Variants in RWDD3 observed in about 807,000 individuals in gnomAD.
RWDD3 encodes RWD domain-containing protein 3.
RWDD3 carries 30 observed loss-of-function variants against 26.5 expected under a neutral mutation model. The observed-to-expected ratio is 1.13, with a 90% CI of 0.85 to 1.54. The LOEUF is 1.54. RWDD3 is among the 40% of genes most tolerant of loss of function. RWDD3 has a pLI of 0.00. For synonymous variants in RWDD3, 113 were observed against 114.5 expected (o/e 0.99, Z 0.09); for missense variants, 296 against 309.1 (o/e 0.96, Z 0.32).
chr1:95,244,517 C>T lies in RWDD3; in HGVS notation c.392C>T (p.Thr131Ile), dbSNP rs568043551. ...GGCAGTGAAAAGTGTACTTTTTCAA[C>T]AAGCACGACCATGGATGATGGATTG... ...GSGSEKCTFS[T>I]STTMDDGLWI... Residue 131 changes from threonine (T) to isoleucine (I), a missense_variant, in exon 2 of 4, where the codon ACA becomes ATA. Transcript: ENST00000370202. 6.2e-7 allele frequency: 1 copy of T among 1,614,154 alleles called. No homozygotes were observed. Among genetic ancestry groups the T allele is most frequent in the South Asian group, 1.1e-5 (1 of 91,086 alleles).
chr1:95,245,647 G>A (rs1680823484), intron 2 of RWDD3, among the ~76,000 whole-genome samples: 1 of 152,276 alleles, frequency 6.6e-6, no homozygotes, highest in Admixed American at 6.5e-5. Flanking sequence ...GCATATCTTG[G>A]ATTGGGACTG....
At chr1:95,243,183 A>G (rs1199503017) in intron 1 of RWDD3, 1 of 152,224 alleles carries the variant, frequency 6.6e-6, no homozygotes, top group African/African-American at 2.4e-5. Flanking sequence ...GTATGAATCA[A>G]TATCTGTAGC....
chr1:95,239,979 C>G, intron 1 of RWDD3: 2 of 1,264,388 alleles, frequency 1.6e-6, no homozygotes, highest in Non-Finnish European at 2.1e-6. Context: ...AAGGATTCTT[C>G]AAAGTTTGCA....
chr1:95,234,200 G>A, upstream of RWDD3: 2 of 1,560,140 alleles, frequency 1.3e-6, no homozygotes, highest in Non-Finnish European at 1.7e-6. Context: ...GCAGCGGAAG[G>A]GGAAGCGCTG....
chr1:95,243,613 A>G (rs1212270427), intron 1 of RWDD3: 1 of 152,432 alleles, frequency 6.6e-6, no homozygotes, highest in African/African-American at 2.4e-5. Flanking sequence ...ATTGATGTCC[A>G]CTCAATTTCA....
At chr1:95,240,434 A>G (rs1216201235) in intron 1 of RWDD3, among the ~76,000 whole-genome samples, 1 of 152,212 alleles carries the variant, frequency 6.6e-6, no homozygotes, top group Non-Finnish European at 1.5e-5. Context: ...ATACCATAAA[A>G]TAAGTTTGAA....
In RWDD3 at chr1:95,246,776, A is replaced by G. The variant is rs1680868892; in HGVS notation, c.710A>G (p.Lys237Arg). Residue 237 changes from lysine (K) to arginine (R), a missense_variant, in exon 4 of 4, where the codon AAA becomes AGA. Transcript: ENST00000370202. ...TGCAGGTTTCTGGCATTTGAAGTCA[A>G]AGAGTATTCAGCGTTGGATGAATTA... Reference protein sequence around the residue: ...EHKRFLAFEVKEYSALDELQK... With the variant: ...EHKRFLAFEVREYSALDELQK... The G allele has an allele frequency of 6.4e-7, 1 of 1,563,852 alleles. No individual in the cohort carries two copies. The highest frequency in any genetic ancestry group is 1.4e-5 in the African/African-American group (1 of 72,304).
chr1:95,234,920 GTC>G (rs1345761448), intron 1 of RWDD3, among the ~76,000 whole-genome samples: 1 of 151,636 alleles, frequency 6.6e-6, no homozygotes, highest in Non-Finnish European at 1.5e-5. Context: ...TTTAGGTGGA[GTC>G]TCTCTTGTTG....
chr1:95,241,810 A>G (rs890755238), intron 1 of RWDD3, among the ~76,000 whole-genome samples: 1 of 152,204 alleles, frequency 6.6e-6, no homozygotes, highest in African/African-American at 2.4e-5. Context: ...AGATTAAATG[A>G]CAAGGGTCAT....
chr1:95,240,196 A>C (rs913056763), intron 1 of RWDD3, among the ~76,000 whole-genome samples: 1 of 152,164 alleles, frequency 6.6e-6, no homozygotes, highest in Non-Finnish European at 1.5e-5. Flanking sequence ...TGGGAAACAG[A>C]ATGTACACAT....
chr1:95,244,392 GCAAGCAGAGAGCCTTTTGT>G lies in RWDD3; in HGVS notation c.269_287del (p.Gln90ArgfsTer46). ...TGACTGTGAAAGAGAATTTACTTGA[GCAAGCAGAGAGCCTTTTGT>G]CGGAGCCTATGGTTCATGAGCTGGT... On this transcript the variant is annotated frameshift_variant, in exon 2 of 4. Transcript: ENST00000370202. LOFTEE classifies it high-confidence loss of function. 1 of 1,614,196 alleles carries G rather than the reference GCAAGCAGAGAGCCTTTTGT, an allele frequency of 6.2e-7. No individual in the cohort carries two copies. Among genetic ancestry groups the G allele is most frequent in the African/African-American group, 1.3e-5 (1 of 75,046 alleles).
At chr1:95,242,010 T>G (rs1680649870) in intron 1 of RWDD3, among the ~76,000 whole-genome samples, 1 of 152,180 alleles carries the variant, frequency 6.6e-6, no homozygotes, top group Non-Finnish European at 1.5e-5. Context: ...TAAAGAGGAT[T>G]CGGCTGCTTT....
chr1:95,245,734 A>T, intron 2 of RWDD3, among the ~76,000 whole-genome samples: 1 of 152,186 alleles, frequency 6.6e-6, no homozygotes, highest in East Asian at 1.9e-4. Flanking sequence ...ATAGTAGCTG[A>T]CAAAAAATAA....
At chr1:95,238,010 A>G (rs1003279634) in intron 1 of RWDD3, among the ~76,000 whole-genome samples, 18 of 152,202 alleles carry the variant, frequency 1.2e-4, no homozygotes, top group African/African-American at 4.1e-4. Flanking sequence ...AACAATCCCA[A>G]AGGGGAGTGT....
chr1:95,239,748 C>T lies in RWDD3; in HGVS notation c.86-4463C>T. The T allele has an allele frequency of 3.2e-6, 4 of 1,239,152 alleles. No individual in the cohort carries two copies. In the South Asian group the frequency reaches 4.2e-5, roughly 13 times the overall value. The allele number at this position is 1,239,152 out of a possible 1,614,324, so 76.8% of individuals were successfully genotyped here. On this transcript the variant is annotated intron_variant, in intron 1 of 3. Transcript: ENST00000370202. ...TTTCTAAGGTGAAAGTCAGGAGTTT[C>T]ACCCATTGCTATTCTGTTTGCTGAC...
intron 2 of RWDD3, 155 bp from the exon 3 acceptor site, chr1:95,246,387 G>T (rs1461630724): frequency 3.6e-6 from 2 of 559,268 alleles, no homozygotes; most frequent in African/African-American, 3.8e-5. Flanking sequence ...ATTCTGCCAA[G>T]TATGTTAAAA....
intron 1 of RWDD3, among the ~76,000 whole-genome samples, chr1:95,238,180 G>GT (rs1426984705): frequency 6.6e-6 from 1 of 152,182 alleles, no homozygotes; most frequent in Non-Finnish European, 1.5e-5. Flanking sequence ...TAAAAAAGTT[G>GT]TAAGATGGGA....
At chr1:95,237,199 C>G (rs1445434941) in intron 1 of RWDD3, 1 of 150,394 alleles carries the variant, frequency 6.6e-6, no homozygotes, top group Non-Finnish European at 1.5e-5. Flanking sequence ...CATCTTTTTA[C>G]AAAGTAAGGA....
intron 2 of RWDD3, among the ~76,000 whole-genome samples, chr1:95,245,276 A>C (rs1330354512): frequency 6.6e-6 from 1 of 152,188 alleles, no homozygotes; most frequent in Non-Finnish European, 1.5e-5. Context: ...TTGTCTCAGC[A>C]GTTGCTTTCA....
Sources: allele counts gnomAD v4.1 joint callset (sites outside exome capture counted in the v4.1 genomes callset), GRCh38; gene constraint gnomAD v4.1.1; transcripts MANE v1.5; gene names NCBI Gene and HGNC (gene_info 2026-07-23, HGNC 2026-07-21).